The following COL25A1 variants were observed in gnomAD, a reference collection of about 807,000 sequenced individuals.
COL25A1 encodes the protein collagen alpha-1(XXV) chain.
Under a neutral mutation model 128.4 loss-of-function variants are expected in COL25A1, and 103 were observed. The ratio of observed to expected loss-of-function variants is 0.80; its 90% CI spans 0.68 to 0.94. The LOEUF (loss-of-function observed/expected upper bound fraction) is 0.94, where lower values mean the gene tolerates loss of function less well. Among genes scored for constraint, COL25A1 ranks in the 40% least tolerant of loss-of-function variants. COL25A1 has a pLI of 0.00. For synonymous variants in COL25A1, 279 were observed against 277.2 expected (o/e 1.01, Z -0.06); for missense variants, 745 against 840.0 (o/e 0.89, Z 1.40).
intron 5 of COL25A1, among the ~76,000 whole-genome samples, chr4:109,042,800 G>A (rs1266239166): frequency 1.3e-5 from 2 of 151,962 alleles, no homozygotes; most frequent in African/African-American, 4.8e-5. Context: ...ACTTCCACAT[G>A]ATTTGCTTCT....
rs1305962268 is a variant in COL25A1, at chr4:108,813,279, G to A, written c.*648C>T. The stretch of plus-strand genomic sequence containing the variant: ...AAAATACAAGACAAATTGTGTGTGT[G>A]CTCTCCGCCACCTTATCTCTTTTTG... On this transcript the variant is annotated 3_prime_UTR_variant, in exon 38 of 38. Coordinates refer to ENST00000399132, the MANE Select transcript of COL25A1 (RefSeq NM_198721.4). 1 of 152,266 alleles carries A rather than the reference G, an allele frequency of 6.6e-6. No individual in the cohort carries two copies. Among genetic ancestry groups the A allele is most frequent in the Non-Finnish European group, 1.5e-5 (1 of 68,084 alleles). 9.4% of individuals were successfully genotyped at this position (152,266 alleles called of 1,614,324 possible).
At chr4:109,238,483 G>C (rs1357217705) in intron 3 of COL25A1, among the ~76,000 whole-genome samples, 2 of 151,904 alleles carry the variant, frequency 1.3e-5, no homozygotes, top group Non-Finnish European at 2.9e-5. Context: ...AGTGCTTGAG[G>C]GCTTACTGCA....
At chr4:109,127,799 C>G (rs1488650955) in intron 3 of COL25A1, among the ~76,000 whole-genome samples, 2 of 152,130 alleles carry the variant, frequency 1.3e-5, no homozygotes, top group African/African-American at 4.8e-5. Flanking sequence ...TTACCCCAGA[C>G]AAGGACGCTG....
At chr4:109,174,369 C>T (rs562923115) in intron 3 of COL25A1, among the ~76,000 whole-genome samples, 1 of 152,278 alleles carries the variant, frequency 6.6e-6, no homozygotes, top group East Asian at 1.9e-4. Flanking sequence ...GCTAAACATT[C>T]CTTTTTATCA....
chr4:108,884,133 A>C (rs776126076), intron 19 of COL25A1, 45 bp downstream of exon 19: 2 of 1,595,804 alleles, frequency 1.3e-6, no homozygotes, highest in Non-Finnish European at 1.7e-6. Context: ...GGTGAATCTC[A>C]TAATTACAGT....
chr4:109,238,427 A>C (rs774337992), intron 3 of COL25A1, among the ~76,000 whole-genome samples: 15 of 152,048 alleles, frequency 9.9e-5, no homozygotes, highest in Non-Finnish European at 1.9e-4. Context: ...CAACTATCTC[A>C]AAGTTTTATT....
In COL25A1 at chr4:109,301,799, G is replaced by C; in HGVS notation, c.221C>G (p.Ser74Cys). 2 of 1,614,242 alleles carry C rather than the reference G, an allele frequency of 1.2e-6. No homozygotes were observed. The highest frequency in any genetic ancestry group is 1.7e-6 in the Non-Finnish European group (2 of 1,180,048). ...AALESAKGAP[S>C]IHLLPDTLDH... is the part of the protein sequence containing the mutation. ...CAGGGTATCAGGCAGCAGATGAATG[G>C]AAGGGGCCCCTTTGGCGGATTCGAG... The change falls in exon 2 of 38, where the codon TCC (serine) becomes TGC (cysteine). Residue 74 changes from serine (S) to cysteine (C), a missense_variant. By Grantham distance (112) the Ser-to-Cys change is moderately radical. This residue lies in a region of COL25A1 where 319 missense variants were observed against 324.9 expected (regional missense o/e 0.98). Coordinates refer to ENST00000399132, the MANE Select transcript of COL25A1 (RefSeq NM_198721.4).
intron 26 of COL25A1, among the ~76,000 whole-genome samples, chr4:108,850,326 C>G (rs1005287794): frequency 6.6e-6 from 1 of 152,084 alleles, no homozygotes; most frequent in African/African-American, 2.4e-5. Context: ...GGGTTCTGTA[C>G]TTGACTCAGG....
At chr4:109,226,773 A>G (rs140559932) in intron 3 of COL25A1, among the ~76,000 whole-genome samples, 1 of 152,310 alleles carries the variant, frequency 6.6e-6, no homozygotes, top group Non-Finnish European at 1.5e-5. Flanking sequence ...AAACATAAAA[A>G]CATGGCAGAA....
chr4:109,218,357 G>GTTTTTTTTTTGTTTGTTTGTTTTTT (rs1553961829), intron 3 of COL25A1, among the ~76,000 whole-genome samples: 4 of 73,530 alleles, frequency 5.4e-5, no homozygotes, highest in African/African-American at 1.7e-4. Context: ...GTTTTTTGGG[G>GTTTTTTTTTTGTTTGTTTGTTTTTT]TTTTTTTTTT....
At chr4:109,215,264 C>A (rs571959729) in intron 3 of COL25A1, among the ~76,000 whole-genome samples, 1 of 152,236 alleles carries the variant, frequency 6.6e-6, no homozygotes, top group South Asian at 2.1e-4. Context: ...TGAAAGTACA[C>A]AATTTCTTTT....
intron 3 of COL25A1, among the ~76,000 whole-genome samples, chr4:109,234,683 C>A (rs1257520706): frequency 6.6e-6 from 1 of 152,014 alleles, no homozygotes; most frequent in East Asian, 1.9e-4. Flanking sequence ...AATAAGAACA[C>A]CAGCAAAAAT....
intron 11 of COL25A1, chr4:108,920,975 C>A: frequency 6.0e-6 from 1 of 167,644 alleles, no homozygotes; most frequent in Non-Finnish European, 1.3e-5. Context: ...AGTTTCTCAG[C>A]AAATGGACAC....
chr4:109,095,079 C>A (rs1190732618), intron 3 of COL25A1, among the ~76,000 whole-genome samples: 3 of 152,188 alleles, frequency 2.0e-5, no homozygotes, highest in African/African-American at 7.2e-5. Flanking sequence ...AAACTGTGTT[C>A]ACTGTGAATA....
At chr4:109,240,343 A>G (rs1216484239) in intron 3 of COL25A1, among the ~76,000 whole-genome samples, 1 of 152,064 alleles carries the variant, frequency 6.6e-6, no homozygotes, top group Non-Finnish European at 1.5e-5. Flanking sequence ...CAGCTATGAC[A>G]TTATTAGGTG....
chr4:109,089,529 G>T (rs1210581291), intron 3 of COL25A1, among the ~76,000 whole-genome samples: 3 of 152,152 alleles, frequency 2.0e-5, no homozygotes, highest in African/African-American at 7.2e-5. Context: ...CTGTTTGAAT[G>T]ATTACAAATT....
rs1199486974 is a variant in COL25A1 at position 108,809,330 on chromosome 4, C to T, written c.*4597G>A. 6.6e-6 allele frequency: 1 copy of T among 151,878 alleles called. No homozygotes were observed. The highest frequency in any genetic ancestry group is 1.5e-5 in the Non-Finnish European group (1 of 67,936). 9.4% of individuals were successfully genotyped at this position (151,878 alleles called of 1,614,324 possible). ...CTAAAGAAAAATCAGATACATACAT[C>T]TTTTAAAATGTTATTAAGTTGAATG... On this transcript the variant is annotated 3_prime_UTR_variant, in exon 38 of 38. Transcript: ENST00000399132.
chr4:109,211,011 G>C (rs1046149407), intron 3 of COL25A1, among the ~76,000 whole-genome samples: 2 of 151,710 alleles, frequency 1.3e-5, no homozygotes, highest in Non-Finnish European at 2.9e-5. Context: ...CAGACACCGG[G>C]GCCTACTTGA....
chr4:109,120,830 T>C (rs76729891), intron 3 of COL25A1, among the ~76,000 whole-genome samples: 2 of 150,560 alleles, frequency 1.3e-5, no homozygotes, highest in Non-Finnish European at 3.0e-5. Flanking sequence ...AAAAAAAAAT[T>C]CAAAAACAAT....
Sources: gnomAD v4.1 joint callset for allele counts (sites outside exome capture counted in the v4.1 genomes callset) on GRCh38, gnomAD v4.1.1 for gene constraint, gnomAD v4.1.1 regional missense constraint, MANE v1.5 for transcripts, NCBI Gene and HGNC (gene_info 2026-07-23, HGNC 2026-07-21) for gene names.